Variants in DCAF5 observed in about 807,000 individuals in gnomAD.
DCAF5 encodes the protein DDB1 and CUL4 associated factor 5.
A neutral mutation model predicts 80.7 loss-of-function variants in DCAF5; 9 were observed. The ratio of observed to expected loss-of-function variants is 0.11; its 90% CI spans 0.07 to 0.19. The LOEUF is 0.19. Among genes scored for constraint, DCAF5 ranks in the 10% least tolerant of loss-of-function variants. DCAF5 has a pLI of 1.00. For missense variants in DCAF5, 842 were observed against 1,205.7 expected, an observed-to-expected ratio of 0.70 and a Z score of 4.47; for synonymous variants, 433 against 461.9, an observed-to-expected ratio of 0.94 and a Z score of 0.80.
intron 5 of DCAF5, among the ~76,000 whole-genome samples, chr14:69,095,952 TAGAG>T (rs895043014): frequency 6.6e-6 from 1 of 152,082 alleles, no homozygotes; most frequent in Non-Finnish European, 1.5e-5. Flanking sequence ...GTATCCCAAG[TAGAG>T]AGAGAAAAGC....
chr14:69,152,699 G>C lies in DCAF5; in HGVS notation c.214+66C>G. 8.0e-7 allele frequency: 1 copy of C among 1,251,180 alleles called. No homozygotes were observed. The highest frequency in any genetic ancestry group is 1.1e-6 in the Non-Finnish European group (1 of 893,084). 77.5% of individuals were successfully genotyped at this position (1,251,180 alleles called of 1,614,324 possible). A position where few individuals can be genotyped will look rare whatever the true frequency, so the allele number is the denominator to read the frequency against. On this transcript the variant is annotated intron_variant, in intron 1 of 8. Transcript: ENST00000341516. The surrounding 1 kb of genome is among the most constrained non-coding windows in gnomAD (Gnocchi z 4.1). ...CAGAGGGCAGGAGGAGGGTGACGGGGGAGAGCGAGAGGGGGAGGCTGGGAG... is the reference window on the plus strand; with the variant it reads ...CAGAGGGCAGGAGGAGGGTGACGGGCGAGAGCGAGAGGGGGAGGCTGGGAG...
chr14:69,119,333 G>A lies in DCAF5; in HGVS notation c.359-103C>T, dbSNP rs982140986. ...TTTTCAGGGAAAAAATATGAACAAA[G>A]CCAATGCTAATACAAATTAGAAGTG... On this transcript the variant is annotated intron_variant, in intron 2 of 8. Transcript: ENST00000341516. 5 of 1,118,892 alleles carry A rather than the reference G, an allele frequency of 4.5e-6. No individual in the cohort carries two copies. In the African/African-American group the frequency reaches 7.9e-5, roughly 18 times the overall value. The allele number at this position is 1,118,892 out of a possible 1,614,324, so 69.3% of individuals were successfully genotyped here. A position where few individuals can be genotyped will look rare whatever the true frequency, so the allele number is the denominator to read the frequency against.
intron 8 of DCAF5, among the ~76,000 whole-genome samples, chr14:69,061,011 A>ATT (rs574427953): frequency 2.0e-5 from 3 of 146,474 alleles, no homozygotes; most frequent in South Asian, 4.3e-4. Flanking sequence ...AAAATTGAGG[A>ATT]TTTTTTTTTT....
intron 5 of DCAF5, among the ~76,000 whole-genome samples, chr14:69,101,537 C>T (rs969426474): frequency 9.2e-5 from 14 of 152,196 alleles, no homozygotes; most frequent in Non-Finnish European, 1.8e-4. Context: ...CCTAAGCTGA[C>T]GCAACAGAGA....
At chr14:69,061,340 T>C (rs2038207836) in intron 8 of DCAF5, among the ~76,000 whole-genome samples, 1 of 152,108 alleles carries the variant, frequency 6.6e-6, no homozygotes, top group African/African-American at 2.4e-5. Flanking sequence ...TATTCTTACT[T>C]AAAAGTCATT....
intron 2 of DCAF5, among the ~76,000 whole-genome samples, chr14:69,121,867 GA>G (rs2140069317): frequency 6.6e-6 from 1 of 151,850 alleles, no homozygotes; most frequent in Non-Finnish European, 1.5e-5. Context: ...AAATCGAATA[GA>G]ATAAAAAAAA....
Position 69,054,520 on chromosome 14 carries a change from G to A in DCAF5, c.2166C>T (p.Asp722=), listed in dbSNP as rs754089647. ...LNIAMAQRNQ[D]LPPEGCSKDT... ...CCTTGCTGCAGCCTTCAGGTGGCAGGTCCTGGTTCCTCTGGGCCATTGCTA... is the reference window on the plus strand; with the variant it reads ...CCTTGCTGCAGCCTTCAGGTGGCAGATCCTGGTTCCTCTGGGCCATTGCTA... Residue 722 remains aspartate (D), a synonymous_variant, in exon 9 of 9, where the codon GAC becomes GAT. Transcript: ENST00000341516. 1 of 1,614,166 alleles carries A rather than the reference G, an allele frequency of 6.2e-7. No homozygotes were observed. The highest frequency in any genetic ancestry group is 1.1e-5 in the South Asian group (1 of 91,078).
chr14:69,079,036 C>T (rs1204118735), intron 6 of DCAF5, among the ~76,000 whole-genome samples: 1 of 152,026 alleles, frequency 6.6e-6, no homozygotes, highest in African/African-American at 2.4e-5. Flanking sequence ...TTACGTTACA[C>T]GTTTAAAAGA....
chr14:69,110,154 A>G (rs1430421836), intron 5 of DCAF5, among the ~76,000 whole-genome samples: 1 of 149,014 alleles, frequency 6.7e-6, no homozygotes, highest in Non-Finnish European at 1.5e-5. Flanking sequence ...CATTTTTTAA[A>G]TTGATTTTTT....
intron 4 of DCAF5, among the ~76,000 whole-genome samples, chr14:69,117,620 G>T (rs1595030160): frequency 6.6e-6 from 1 of 152,140 alleles, no homozygotes; most frequent in South Asian, 2.1e-4. Context: ...TTCAGAGAAA[G>T]TCAACAAAGC....
At chr14:69,108,271 G>GT (rs2040233076) in intron 5 of DCAF5, among the ~76,000 whole-genome samples, 1 of 152,332 alleles carries the variant, frequency 6.6e-6, no homozygotes, top group East Asian at 1.9e-4. Flanking sequence ...TTAAGAGTAT[G>GT]TAACAGAGAG....
chr14:69,118,054 TACTG>T lies in DCAF5; in HGVS notation c.535+81_535+84del. On this transcript the variant is annotated intron_variant, in intron 4 of 8. Coordinates refer to ENST00000341516, the MANE Select transcript of DCAF5 (RefSeq NM_003861.3). The surrounding 1 kb of genome is among the most constrained non-coding windows in gnomAD (Gnocchi z 4.0). ...TCCCTTGACATCACTTGCACATAGA[TACTG>T]AGGTAATAAATTGGATCTTCAATGA... 1 of 1,548,894 alleles carries T rather than the reference TACTG, an allele frequency of 6.5e-7. No individual in the cohort carries two copies. Among genetic ancestry groups the T allele is most frequent in the Non-Finnish European group, 8.9e-7 (1 of 1,129,676 alleles).
intron 1 of DCAF5, among the ~76,000 whole-genome samples, chr14:69,151,086 C>T (rs970532417): frequency 6.6e-6 from 1 of 152,118 alleles, no homozygotes; most frequent in African/African-American, 2.4e-5. Context: ...TAAAAAACAA[C>T]AGCAGGGAAA....
intron 6 of DCAF5, among the ~76,000 whole-genome samples, chr14:69,080,640 G>A (rs1274469350): frequency 6.6e-6 from 1 of 152,158 alleles, no homozygotes; most frequent in Non-Finnish European, 1.5e-5. Flanking sequence ...CTGACCTGGA[G>A]CAAAATGCTT....
chr14:69,095,748 G>A (rs557630119), intron 5 of DCAF5, among the ~76,000 whole-genome samples: 2 of 152,262 alleles, frequency 1.3e-5, no homozygotes, highest in South Asian at 4.1e-4. Flanking sequence ...CCAAGATCAG[G>A]CTCTGTGGAC....
intron 1 of DCAF5, among the ~76,000 whole-genome samples, chr14:69,132,193 C>T (rs939873665): frequency 4.6e-5 from 7 of 152,268 alleles, no homozygotes; most frequent in African/African-American, 1.4e-4. Context: ...GGTAATTCTA[C>T]TTTTAACTTT....
intron 6 of DCAF5, chr14:69,089,841 T>C: frequency 1.3e-6 from 1 of 750,010 alleles, no homozygotes; most frequent in Non-Finnish European, 1.6e-6. Flanking sequence ...AGGCTAGGGA[T>C]ACTGCTAACC....
chr14:69,141,139 T>TTTAAAA (rs34483517), intron 1 of DCAF5, among the ~76,000 whole-genome samples: 1 of 59,380 alleles, frequency 1.7e-5, no homozygotes, highest in African/African-American at 5.4e-5. Flanking sequence ...ATCTCAAATT[T>TTTAAAA]AAAAAAAAAA....
chr14:69,095,956 G>A (rs2039696026), intron 5 of DCAF5, among the ~76,000 whole-genome samples: 1 of 152,288 alleles, frequency 6.6e-6, no homozygotes, highest in Non-Finnish European at 1.5e-5. Flanking sequence ...CCCAAGTAGA[G>A]AGAGAAAAGC....
Sources: gnomAD v4.1 joint callset for allele counts (sites outside exome capture counted in the v4.1 genomes callset) on GRCh38, gnomAD v4.1.1 for gene constraint, Gnocchi (gnomAD v3.1) non-coding constraint, MANE v1.5 for transcripts, NCBI Gene and HGNC (gene_info 2026-07-23, HGNC 2026-07-21) for gene names.